Variants in CCDC178 observed in about 807,000 individuals in gnomAD.
The protein encoded by CCDC178 is coiled-coil domain containing 178, also known as coiled-coil domain-containing protein 178.
A neutral mutation model predicts 117.4 loss-of-function variants in CCDC178; 126 were observed. That is an observed-to-expected ratio of 1.07 (90% CI 0.93 to 1.24). The LOEUF (loss-of-function observed/expected upper bound fraction) is 1.24, where lower values mean the gene tolerates loss of function less well. Ranked by LOEUF, CCDC178 falls within the 50% of genes most tolerant of loss-of-function variation. The pLI is 0.00. For synonymous variants in CCDC178, 283 were observed against 313.4 expected, an observed-to-expected ratio of 0.90 and a Z score of 1.02; for missense variants, 1,030 against 986.9, an observed-to-expected ratio of 1.04 and a Z score of -0.59.
At chr18:32,942,223 C>A (rs1490820789) in intron 22 of CCDC178, among the ~76,000 whole-genome samples, 1 of 152,074 alleles carries the variant, frequency 6.6e-6, no homozygotes, top group Non-Finnish European at 1.5e-5. Flanking sequence ...AACAGAGTGA[C>A]CCACCAGAAC....
intron 8 of CCDC178, 84 bp from the exon 9 acceptor site, chr18:33,346,495 T>C (rs2062896132): frequency 1.8e-6 from 1 of 560,814 alleles, no homozygotes; most frequent in East Asian, 3.4e-5. Context: ...GTTGTATTAT[T>C]ATATTTTTCT....
At chr18:32,992,731 T>C (rs1329376963) in intron 21 of CCDC178, among the ~76,000 whole-genome samples, 1 of 152,208 alleles carries the variant, frequency 6.6e-6, no homozygotes, top group Non-Finnish European at 1.5e-5. Context: ...CTTGACTGAA[T>C]CTTTCTACAA....
chr18:32,958,741 A>G (rs2054643871), intron 22 of CCDC178, among the ~76,000 whole-genome samples: 1 of 152,170 alleles, frequency 6.6e-6, no homozygotes, highest in South Asian at 2.1e-4. Context: ...TCCTGACTTA[A>G]CTGTCCCAGC....
At chr18:32,959,094 T>A (rs1291459192) in intron 22 of CCDC178, among the ~76,000 whole-genome samples, 2 of 152,162 alleles carry the variant, frequency 1.3e-5, no homozygotes, top group South Asian at 4.1e-4. Flanking sequence ...GTTAAGTGAA[T>A]GTAAGGTAAA....
At chr18:33,258,916 AC>A (rs2059710780) in intron 14 of CCDC178, among the ~76,000 whole-genome samples, 1 of 152,140 alleles carries the variant, frequency 6.6e-6, no homozygotes, top group Non-Finnish European at 1.5e-5. Context: ...ATACAATGTA[AC>A]AAGTTACACG....
intron 9 of CCDC178, among the ~76,000 whole-genome samples, chr18:33,345,270 A>T (rs1160742972): frequency 1.3e-5 from 2 of 152,204 alleles, no homozygotes. Flanking sequence ...CTTCAGGCAG[A>T]ATCAGGAAGT....
chr18:33,358,958 A>G (rs1036397470), intron 6 of CCDC178, among the ~76,000 whole-genome samples: 9 of 151,932 alleles, frequency 5.9e-5, no homozygotes, highest in Non-Finnish European at 1.3e-4. Context: ...TTCAGTGAGC[A>G]TGTTAATAAG....
intron 20 of CCDC178, among the ~76,000 whole-genome samples, chr18:33,202,495 G>A (rs998839651): frequency 6.8e-6 from 1 of 147,120 alleles, no homozygotes; most frequent in Non-Finnish European, 1.5e-5. Context: ...TACTGAAAAT[G>A]CCAGCAAAGC....
intron 21 of CCDC178, among the ~76,000 whole-genome samples, chr18:33,039,662 G>T (rs1185764447): frequency 1.3e-5 from 2 of 151,912 alleles, no homozygotes; most frequent in African/African-American, 2.4e-5. Flanking sequence ...AACTTGAATA[G>T]CAATTATGAA....
At chr18:33,002,460 A>C (rs911420837) in intron 21 of CCDC178, among the ~76,000 whole-genome samples, 6 of 152,128 alleles carry the variant, frequency 3.9e-5, no homozygotes, top group African/African-American at 1.4e-4. Context: ...CAAATTAAGA[A>C]GAAAATTTAA....
At chr18:33,204,439 A>C (rs538170551) in intron 20 of CCDC178, among the ~76,000 whole-genome samples, 60 of 152,300 alleles carry the variant, frequency 3.9e-4, no homozygotes, top group African/African-American at 1.4e-3. Context: ...TAATAATGAC[A>C]ACAATAGAAC....
At chr18:33,358,364 A>G (rs2063085200) in intron 6 of CCDC178, among the ~76,000 whole-genome samples, 1 of 151,946 alleles carries the variant, frequency 6.6e-6, no homozygotes, top group South Asian at 2.1e-4. Context: ...CTAAAAAGGT[A>G]AAAAGAAGTA....
At chr18:32,966,469 G>A (rs567351734) in intron 22 of CCDC178, among the ~76,000 whole-genome samples, 3 of 151,714 alleles carry the variant, frequency 2.0e-5, no homozygotes, top group Non-Finnish European at 4.4e-5. Flanking sequence ...TTTAAAAAAT[G>A]TTCATCAACT....
At chr18:33,242,877 G>C (rs1205004198) in intron 15 of CCDC178, among the ~76,000 whole-genome samples, 1 of 151,786 alleles carries the variant, frequency 6.6e-6, no homozygotes, top group Non-Finnish European at 1.5e-5. Flanking sequence ...TAGGAGTACT[G>C]TATCATCCTG....
chr18:33,060,797 T>C lies in CCDC178; in HGVS notation c.2388+31964A>G, dbSNP rs183382957. 3.0e-3 allele frequency among the ~76,000 whole-genome samples: 464 copies of C among 152,210 alleles called. 1 individual carries two copies. The highest frequency in any genetic ancestry group is 6.6e-3 in the South Asian group (32 of 4,830). On this transcript the variant is annotated intron_variant, in intron 21 of 22. Coordinates refer to ENST00000383096, the MANE Select transcript of CCDC178 (RefSeq NM_001105528.4). The stretch of plus-strand genomic sequence containing the variant: ...AATGGAATATTTCTCTCAGAATGAG[T>C]TTATTCTACTTTTTACATGAACTTG...
At chr18:33,327,972 A>T in intron 10 of CCDC178, 1 of 325,378 alleles carries the variant, frequency 3.1e-6, no homozygotes, top group South Asian at 2.3e-5. Context: ...CTTTCTTGAT[A>T]GTGTCCTTTG....
intron 12 of CCDC178, among the ~76,000 whole-genome samples, chr18:33,275,745 T>G (rs1351660151): frequency 6.6e-6 from 1 of 150,398 alleles, no homozygotes; most frequent in Non-Finnish European, 1.5e-5. Flanking sequence ...TGGGAAACAT[T>G]TTTGCATGTC....
At chr18:33,014,881 T>A (rs2055948085) in intron 21 of CCDC178, among the ~76,000 whole-genome samples, 1 of 151,858 alleles carries the variant, frequency 6.6e-6, no homozygotes, top group Non-Finnish European at 1.5e-5. Flanking sequence ...GGAGAAAAAA[T>A]TCGATTTCCA....
intron 20 of CCDC178, among the ~76,000 whole-genome samples, chr18:33,095,889 T>C (rs1177761254): frequency 6.6e-6 from 1 of 151,984 alleles, no homozygotes; most frequent in Non-Finnish European, 1.5e-5. Context: ...TGTCCAGGTT[T>C]AACAAGAATT....
Sources: allele counts gnomAD v4.1 joint callset (sites outside exome capture counted in the v4.1 genomes callset), GRCh38; gene constraint gnomAD v4.1.1; transcripts MANE v1.5; gene names NCBI Gene and HGNC (gene_info 2026-07-23, HGNC 2026-07-21).